Variants in CPM observed in about 807,000 individuals in gnomAD.
CPM encodes carboxypeptidase M, also known as renal carboxypeptidase.
Under a neutral mutation model 46.4 loss-of-function variants are expected in CPM, and 35 were observed. The ratio of observed to expected loss-of-function variants is 0.75; its 90% CI spans 0.58 to 1.00. CPM has a LOEUF of 1.00. CPM is among the 50% of genes least tolerant of loss of function. The pLI, the probability that CPM is intolerant of heterozygous loss-of-function variation, is 0.00. For synonymous variants in CPM, 195 were observed against 195.3 expected (o/e 1.00, Z 0.01); for missense variants, 422 against 530.4 (o/e 0.80, Z 2.01).
At chr12:68,918,190 C>T (rs7306026) in intron 2 of CPM, among the ~76,000 whole-genome samples, 125,730 of 152,116 alleles carry the variant, frequency 0.83, 52,233 homozygotes, top group African/African-American at 0.92. Flanking sequence ...CATTACTGAT[C>T]TTTTCCCATC....
chr12:68,952,985 T>A (rs979637573), intron 1 of CPM, among the ~76,000 whole-genome samples: 2 of 152,172 alleles, frequency 1.3e-5, no homozygotes. Flanking sequence ...TAAGGGTGAA[T>A]GGTAGGATAT....
chr12:68,940,759 T>C (rs1054484611), intron 1 of CPM, among the ~76,000 whole-genome samples: 20 of 151,998 alleles, frequency 1.3e-4, no homozygotes, highest in Admixed American at 9.8e-4. Flanking sequence ...ATGTTGGAAT[T>C]GGGTTGCAAA....
At chr12:68,960,129 T>C (rs936619954) in intron 1 of CPM, among the ~76,000 whole-genome samples, 1 of 152,250 alleles carries the variant, frequency 6.6e-6, no homozygotes, top group Non-Finnish European at 1.5e-5. Context: ...GTGTTGGCCT[T>C]GTAAAACTGG....
At chr12:68,961,043 G>A (rs999205500) in intron 1 of CPM, among the ~76,000 whole-genome samples, 1 of 152,164 alleles carries the variant, frequency 6.6e-6, no homozygotes, top group South Asian at 2.1e-4. Flanking sequence ...TCCACTTACT[G>A]GTTGTTACCC....
chr12:68,936,741 T>C (rs772311862), upstream of CPM, among the ~76,000 whole-genome samples: 2 of 152,176 alleles, frequency 1.3e-5, no homozygotes, highest in Non-Finnish European at 2.9e-5. Flanking sequence ...ATAAAAAGGC[T>C]AATAATTTGA....
At chr12:68,868,672 C>T (rs548628129) in intron 6 of CPM, among the ~76,000 whole-genome samples, 1 of 152,094 alleles carries the variant, frequency 6.6e-6, no homozygotes, top group Non-Finnish European at 1.5e-5. Context: ...TGTCTTATTC[C>T]AAGATTGGAG....
intron 2 of CPM, among the ~76,000 whole-genome samples, chr12:68,914,191 A>G (rs1887713814): frequency 6.6e-6 from 1 of 152,258 alleles, no homozygotes; most frequent in South Asian, 2.1e-4. Flanking sequence ...ATTCTTTTCA[A>G]AGTGGGATAG....
intron 3 of CPM, among the ~76,000 whole-genome samples, chr12:68,874,494 T>C (rs1885853446): frequency 6.6e-6 from 1 of 151,994 alleles, no homozygotes; most frequent in African/African-American, 2.4e-5. Flanking sequence ...CAGGTGACTG[T>C]AATCCCCACT....
In CPM at chr12:68,961,971, C is replaced by T. The variant is rs190156045; in HGVS notation, c.-4+1198G>A. Among the ~76,000 whole-genome samples, 382 of 152,160 alleles carry T rather than the reference C, an allele frequency of 2.5e-3. 2 individuals are homozygous for T. Among genetic ancestry groups the T allele is most frequent in the African/African-American group, 8.5e-3 (351 of 41,508 alleles). On this transcript the variant is annotated intron_variant, in intron 1 of 8. Transcript: ENST00000546373. The stretch of plus-strand genomic sequence containing the variant: ...ATCCCAGCACTTTGGGAGGCCAAGG[C>T]GGGCGGATCACGAGGTCAGCAGGTC...
Position 68,869,347 on chromosome 12 carries a change from T to C in CPM, c.765A>G (p.Gly255=), listed in dbSNP as rs746959916. The change falls in exon 6 of 9, where the codon GGA becomes GGG. Residue 255 remains glycine (G), a synonymous_variant. Transcript: ENST00000551568. ...CACCTTGGAGTGGATACCAAGAGTA[T>C]CCATTTGTAACACCATTAGGAAAGT... The part of the protein sequence containing the change: ...KMNFPNGVTN[G]YSWYPLQGGM... 4.3e-6 allele frequency: 7 copies of C among 1,613,486 alleles called. No individual in the cohort carries two copies. In the African/African-American group the frequency reaches 6.7e-5, roughly 15 times the overall value.
At chr12:68,953,781 T>C (rs1313911062) in intron 1 of CPM, among the ~76,000 whole-genome samples, 1 of 152,232 alleles carries the variant, frequency 6.6e-6, no homozygotes, top group Non-Finnish European at 1.5e-5. Flanking sequence ...AAATATTCGT[T>C]GAATCAAATG....
At chr12:68,869,281 G>A (rs367901533) in intron 6 of CPM, 44 bp downstream of exon 6, 6 of 1,582,404 alleles carry the variant, frequency 3.8e-6, no homozygotes, top group Non-Finnish European at 5.2e-6. Flanking sequence ...GGCACTTCTG[G>A]GTGAAGGCAA....
At chr12:68,879,599 A>G (rs1886101654) in intron 3 of CPM, among the ~76,000 whole-genome samples, 1 of 152,102 alleles carries the variant, frequency 6.6e-6, no homozygotes. Context: ...TCCTGGCCTC[A>G]AGCAATCTCC....
At position 68,869,384 on chromosome 12, in the gene CPM, T is replaced by C. The variant is rs993173804; in HGVS notation, c.728A>G (p.Lys243Arg). 7.4e-6 allele frequency: 12 copies of C among 1,614,084 alleles called. No individual in the cohort carries two copies. Among genetic ancestry groups the C allele is most frequent in the Non-Finnish European group, 9.3e-6 (11 of 1,180,004 alleles). ...NPNMKKGDEC[K>R]NKMNFPNGVT... ...ACCATTAGGAAAGTTCATTTTGTTT[T>C]TACACTCGTCTCCTTTCTTCATGTT... Residue 243 changes from lysine to arginine, a missense_variant, in exon 6 of 9, where the codon AAA (lysine) becomes AGA (arginine). Transcript: ENST00000551568.
At chr12:68,859,828 TA>T (rs1194261151) in intron 7 of CPM, among the ~76,000 whole-genome samples, 3 of 152,216 alleles carry the variant, frequency 2.0e-5, no homozygotes, top group Non-Finnish European at 4.4e-5. Flanking sequence ...GTACAATTTT[TA>T]AAAAGCCATT....
At chr12:68,938,235 C>T (rs1888702676) in intron 1 of CPM, among the ~76,000 whole-genome samples, 1 of 152,058 alleles carries the variant, frequency 6.6e-6, no homozygotes, top group African/African-American at 2.4e-5. Flanking sequence ...ATTTTACTTA[C>T]CTGGAAACAA....
intron 2 of CPM, among the ~76,000 whole-genome samples, chr12:68,911,552 C>T (rs1887595517): frequency 6.6e-6 from 1 of 152,150 alleles, no homozygotes. Flanking sequence ...TAGCCCTGTG[C>T]CTGACATCAA....
downstream of CPM, among the ~76,000 whole-genome samples, chr12:68,850,893 C>T (rs1884639042): frequency 6.6e-6 from 1 of 152,100 alleles, no homozygotes; most frequent in African/African-American, 2.4e-5. Flanking sequence ...GACCAGAAGG[C>T]ATACTTTCCA....
chr12:68,945,823 T>TTTTTC (rs1191707672), intron 1 of CPM, among the ~76,000 whole-genome samples: 1 of 151,548 alleles, frequency 6.6e-6, no homozygotes, highest in Non-Finnish European at 1.5e-5. Flanking sequence ...GGCTAGAATT[T>TTTTTC]TTTTCTTTTC....
Sources: allele counts gnomAD v4.1 joint callset (sites outside exome capture counted in the v4.1 genomes callset), GRCh38; gene constraint gnomAD v4.1.1; transcripts MANE v1.5; gene names NCBI Gene and HGNC (gene_info 2026-07-23, HGNC 2026-07-21).